The following KIDINS220 variants were observed in gnomAD, a reference collection of about 807,000 sequenced individuals.
The protein encoded by KIDINS220 is kinase D-interacting substrate of 220 kDa.
In KIDINS220, 63 loss-of-function variants were observed where a neutral mutation model predicts 157.6. The observed-to-expected ratio is 0.40, with a 90% CI of 0.33 to 0.49. The LOEUF (loss-of-function observed/expected upper bound fraction) is 0.49, where lower values mean the gene tolerates loss of function less well. Among genes scored for constraint, KIDINS220 ranks in the 20% least tolerant of loss-of-function variants. The pLI, the probability that KIDINS220 is intolerant of heterozygous loss-of-function variation, is 0.66. For missense variants in KIDINS220, 1,772 were observed against 2,171.2 expected (o/e 0.82, Z 3.65); for synonymous variants, 732 against 783.6 (o/e 0.93, Z 1.10).
chr2:8,737,942 T>C (rs1234875583), intron 26 of KIDINS220, among the ~76,000 whole-genome samples: 1 of 152,244 alleles, frequency 6.6e-6, no homozygotes, highest in Non-Finnish European at 1.5e-5. Context: ...AGGTCCACCA[T>C]GTCATAACAT....
Position 8,776,910 on chromosome 2 carries a change from C to T in KIDINS220, c.2704-18G>A. The T allele has an allele frequency of 6.2e-7, 1 of 1,611,984 alleles. No individual in the cohort carries two copies. Among genetic ancestry groups the T allele is most frequent in the Non-Finnish European group, 8.5e-7 (1 of 1,178,994 alleles). Reference sequence around the variant, plus strand: ...TAAGTGTCCTGAAACAGCACGTCGTCAGTGAGAAGGAACCCACGCGTCCAG... The same window carrying T: ...TAAGTGTCCTGAAACAGCACGTCGTTAGTGAGAAGGAACCCACGCGTCCAG... On this transcript the variant is annotated intron_variant, in intron 20 of 29. Transcript: ENST00000256707.
chr2:8,805,905 T>C (rs1675376524), intron 7 of KIDINS220, among the ~76,000 whole-genome samples: 1 of 152,208 alleles, frequency 6.6e-6, no homozygotes, highest in Admixed American at 6.5e-5. Flanking sequence ...CAGATGTGTG[T>C]AAGTGCACTC....
intron 6 of KIDINS220, among the ~76,000 whole-genome samples, chr2:8,807,901 C>G (rs1214273800): frequency 1.3e-5 from 2 of 152,186 alleles, no homozygotes; most frequent in Non-Finnish European, 2.9e-5. Flanking sequence ...CCAGGTGGAT[C>G]ACCTGAGGTC....
At chr2:8,779,251 T>A in intron 18 of KIDINS220, 112 bp from the exon 19 acceptor site, 1 of 1,328,498 alleles carries the variant, frequency 7.5e-7, no homozygotes, top group South Asian at 1.4e-5. Context: ...TAAACTACTA[T>A]TTCTTTTCAT....
intron 23 of KIDINS220, among the ~76,000 whole-genome samples, 194 bp downstream of exon 23, chr2:8,751,271 TG>T (rs370369892): frequency 2.0e-5 from 3 of 151,588 alleles, no homozygotes; most frequent in Non-Finnish European, 4.4e-5. Context: ...TTTTTTTTTT[TG>T]TTTTTGTTTT....
chr2:8,799,239 TC>T (rs35774121), intron 9 of KIDINS220, among the ~76,000 whole-genome samples: 3 of 150,480 alleles, frequency 2.0e-5, no homozygotes, highest in Non-Finnish European at 4.4e-5. Flanking sequence ...CTATTACAAC[TC>T]CCCTTGCCTG....
intron 11 of KIDINS220, among the ~76,000 whole-genome samples, chr2:8,796,376 A>G (rs1673921339): frequency 6.6e-6 from 1 of 152,248 alleles, no homozygotes; most frequent in South Asian, 2.1e-4. Context: ...GACACGCGGC[A>G]GAACAAACAC....
rs748413222 is a variant in KIDINS220 at position 8,730,836 on chromosome 2, G to A, written c.5200C>T (p.His1734Tyr). The stretch of plus-strand genomic sequence containing the variant: ...TAACTTGAACGTTGGCTTCGCTTAT[G>A]TGTCATGCTTTTTAGATTCTCATTC... ...IQNENLKSMT[H>Y]KRSQRSSYTR... The change falls in exon 30 of 30, where the codon CAT (histidine) becomes TAT (tyrosine). Residue 1734 changes from histidine to tyrosine, a missense_variant. His to Tyr is a moderately conservative substitution (Grantham distance 83). Transcript: ENST00000256707. 1 of 1,614,264 alleles carries A rather than the reference G, an allele frequency of 6.2e-7. No individual in the cohort carries two copies. The highest frequency in any genetic ancestry group is 8.5e-7 in the Non-Finnish European group (1 of 1,180,054).
In KIDINS220 at chr2:8,817,657, T is replaced by C. The variant is rs1677271522; in HGVS notation, c.267A>G (p.Glu89=). The change falls in exon 4 of 30, where the codon GAA becomes GAG. Residue 89 remains glutamate (E), a synonymous_variant. Coordinates refer to ENST00000256707, the MANE Select transcript of KIDINS220 (RefSeq NM_020738.4). ...SKEGHVHIVE[E]LLKCGVNLEH... is the part of the protein sequence containing the mutation. Reference sequence around the variant, plus strand: ...CCAAGTTAACCCCACATTTCAGTAGTTCCTCTACGATGTGCACATGCCCTT... The same window carrying C: ...CCAAGTTAACCCCACATTTCAGTAGCTCCTCTACGATGTGCACATGCCCTT... 3.7e-6 allele frequency: 6 copies of C among 1,607,784 alleles called. No individual in the cohort carries two copies. Among genetic ancestry groups the C allele is most frequent in the Non-Finnish European group, 5.1e-6 (6 of 1,176,384 alleles).
chr2:8,753,419 T>C (rs1336959042), intron 22 of KIDINS220, among the ~76,000 whole-genome samples: 1 of 152,114 alleles, frequency 6.6e-6, no homozygotes, highest in Non-Finnish European at 1.5e-5. Context: ...CAAGGGAGGG[T>C]ATCAAAGGAA....
intron 6 of KIDINS220, among the ~76,000 whole-genome samples, chr2:8,806,663 C>G (rs1675499496): frequency 2.6e-5 from 4 of 152,204 alleles, no homozygotes; most frequent in Admixed American, 2.6e-4. Flanking sequence ...TCACTGCAAT[C>G]TCTGCCTCCC....
intron 18 of KIDINS220, 96 bp from the exon 19 acceptor site, chr2:8,779,235 T>C (rs762602042): frequency 8.3e-5 from 119 of 1,435,610 alleles, no homozygotes; most frequent in Non-Finnish European, 1.1e-4. Context: ...TTGGTGACAA[T>C]ATTTCTAAAC....
chr2:8,831,268 C>G (rs770516785), intron 1 of KIDINS220, among the ~76,000 whole-genome samples: 7 of 152,194 alleles, frequency 4.6e-5, no homozygotes, highest in Non-Finnish European at 7.3e-5. Context: ...TCTTCACAAT[C>G]TGGCCCCATC....
At chr2:8,772,760 T>G (rs1014144126) in intron 21 of KIDINS220, among the ~76,000 whole-genome samples, 1 of 152,226 alleles carries the variant, frequency 6.6e-6, no homozygotes, top group African/African-American at 2.4e-5. Context: ...TAAATACTTA[T>G]CAATATTTAT....
At chr2:8,759,773 TAA>T (rs1668518156) in intron 22 of KIDINS220, among the ~76,000 whole-genome samples, 2 of 152,072 alleles carry the variant, frequency 1.3e-5, no homozygotes, top group Non-Finnish European at 2.9e-5. Flanking sequence ...AAACTATATT[TAA>T]AAGTTATGAA....
intron 22 of KIDINS220, among the ~76,000 whole-genome samples, chr2:8,761,242 T>C (rs1668710499): frequency 6.6e-6 from 1 of 152,112 alleles, no homozygotes; most frequent in South Asian, 2.1e-4. Flanking sequence ...ACGCAAATGT[T>C]TGATAATAAA....
intron 23 of KIDINS220, among the ~76,000 whole-genome samples, chr2:8,751,059 C>A (rs1035464866): frequency 1.1e-4 from 16 of 152,068 alleles, no homozygotes; most frequent in African/African-American, 3.1e-4. Context: ...GATTTTCTTA[C>A]TTCTCTGGAT....
Position 8,776,908 on chromosome 2 carries a change from G to T in KIDINS220, c.2704-16C>A, listed in dbSNP as rs772500180. ...GGTAAGTGTCCTGAAACAGCACGTC[G>T]TCAGTGAGAAGGAACCCACGCGTCC... On this transcript the variant is annotated splice_polypyrimidine_tract_variant and intron_variant, in intron 20 of 29. Transcript: ENST00000256707. The T allele has an allele frequency of 6.2e-7, 1 of 1,612,056 alleles. No individual in the cohort carries two copies. Among genetic ancestry groups the T allele is most frequent in the Non-Finnish European group, 8.5e-7 (1 of 1,179,072 alleles).
At chr2:8,763,405 T>C (rs1669034680) in intron 22 of KIDINS220, among the ~76,000 whole-genome samples, 1 of 152,176 alleles carries the variant, frequency 6.6e-6, no homozygotes, top group South Asian at 2.1e-4. Flanking sequence ...CCAGTGAGCA[T>C]TTCCTTTGAA....
Sources: allele counts gnomAD v4.1 joint callset (sites outside exome capture counted in the v4.1 genomes callset), GRCh38; gene constraint gnomAD v4.1.1; transcripts MANE v1.5; gene names NCBI Gene and HGNC (gene_info 2026-07-23, HGNC 2026-07-21).